GC: variants seen among roughly 807,000 people sequenced by gnomAD.
The protein encoded by GC is GC vitamin D binding protein, also known as vitamin D-binding protein.
In GC, 43 loss-of-function variants were observed where a neutral mutation model predicts 56.7. That is an observed-to-expected ratio of 0.76 (90% CI 0.59 to 0.98). The LOEUF (loss-of-function observed/expected upper bound fraction) is 0.98. GC is among the 50% of genes least tolerant of loss of function. The probability of loss-of-function intolerance (pLI) is 0.00; values close to 1 mark genes in which losing one functional copy is unlikely to be tolerated. For missense variants in GC, 529 were observed against 545.9 expected (o/e 0.97, Z 0.31); for synonymous variants, 216 against 202.7 (o/e 1.07, Z -0.56).
chr4:71,754,633 G>A (rs1404522604), intron 9 of GC, 125 bp from the exon 10 acceptor site: 9 of 679,190 alleles, frequency 1.3e-5, no homozygotes, highest in Admixed American at 2.7e-5. Context: ...ACAGAAGGCC[G>A]GATAATAATT....
At chr4:71,759,526 C>T (rs1043725272) in intron 6 of GC, 2 of 152,074 alleles carry the variant, frequency 1.3e-5, no homozygotes, top group African/African-American at 4.8e-5. Context: ...TGCATTTCCC[C>T]CATCCAATTA....
chr4:71,751,206 C>A (rs973335130), intron 11 of GC, among the ~76,000 whole-genome samples: 1 of 152,110 alleles, frequency 6.6e-6, no homozygotes, highest in Non-Finnish European at 1.5e-5. Flanking sequence ...GCAAAATACA[C>A]CCCTCACCGT....
chr4:71,741,754 T>G lies in GC; in HGVS notation c.*142A>C. ...GCAAATCATCATACTTGTCATTGTA[T>G]GAAGATATTGTAGCTAGAAAAAGTA... On this transcript the variant is annotated 3_prime_UTR_variant, in exon 13 of 13. Transcript: ENST00000273951. 1.4e-6 allele frequency: 1 copy of G among 692,006 alleles called. No individual in the cohort carries two copies. Among genetic ancestry groups the G allele is most frequent in the Non-Finnish European group, 2.6e-6 (1 of 381,694 alleles). 42.9% of individuals were successfully genotyped at this position (692,006 alleles called of 1,614,324 possible).
chr4:71,790,627 T>C (rs1742945257), intron 1 of GC, among the ~76,000 whole-genome samples: 1 of 151,894 alleles, frequency 6.6e-6, no homozygotes, highest in Admixed American at 6.6e-5. Flanking sequence ...TGTTTTATTT[T>C]AATATTTGTG....
At chr4:71,802,144 G>A (rs1044600844) in intron 1 of GC, among the ~76,000 whole-genome samples, 14 of 152,018 alleles carry the variant, frequency 9.2e-5, no homozygotes, top group Admixed American at 7.9e-4. Flanking sequence ...AAACCATTAT[G>A]TGAATAGCAT....
At chr4:71,803,065 C>A (rs1315679476) in intron 1 of GC, among the ~76,000 whole-genome samples, 2 of 152,158 alleles carry the variant, frequency 1.3e-5, no homozygotes, top group Admixed American at 6.6e-5. Flanking sequence ...AACTTACAGT[C>A]TGATAATAAA....
chr4:71,774,232 T>G (rs1742436105), intron 1 of GC, among the ~76,000 whole-genome samples: 1 of 152,058 alleles, frequency 6.6e-6, no homozygotes, highest in South Asian at 2.1e-4. Context: ...GAGCGTCCTT[T>G]CAGACTTTGA....
intron 1 of GC, among the ~76,000 whole-genome samples, chr4:71,789,436 C>T (rs1025763389): frequency 6.6e-6 from 1 of 151,878 alleles, no homozygotes; most frequent in African/African-American, 2.4e-5. Context: ...GAAGGACTGG[C>T]AATCTGAATA....
intron 6 of GC, among the ~76,000 whole-genome samples, chr4:71,760,818 C>T (rs1030747550): frequency 1.2e-4 from 18 of 152,134 alleles, no homozygotes; most frequent in African/African-American, 3.6e-4. Flanking sequence ...TCTTTGCCTG[C>T]GACCATCCAT....
intron 7 of GC, 73 bp from the exon 8 acceptor site, chr4:71,756,987 C>G (rs1335128882): frequency 9.9e-7 from 1 of 1,005,404 alleles, no homozygotes; most frequent in Non-Finnish European, 1.5e-6. Context: ...ATTACATAGG[C>G]TTACAAGCTT....
At chr4:71,779,086 C>A (rs905964463) in intron 1 of GC, among the ~76,000 whole-genome samples, 3 of 151,530 alleles carry the variant, frequency 2.0e-5, no homozygotes, top group Non-Finnish European at 4.4e-5. Flanking sequence ...CTTTAAGGAA[C>A]CTGAGTCTGA....
At chr4:71,772,138 G>A (rs1446379073) in intron 1 of GC, among the ~76,000 whole-genome samples, 1 of 152,098 alleles carries the variant, frequency 6.6e-6, no homozygotes, top group Non-Finnish European at 1.5e-5. Flanking sequence ...TCATCTATAA[G>A]ATCACTTGCT....
intron 6 of GC, among the ~76,000 whole-genome samples, chr4:71,760,213 T>TG (rs931443875): frequency 6.6e-6 from 1 of 150,898 alleles, no homozygotes. Context: ...CTGGCTAATT[T>TG]TTTTTTTTTT....
chr4:71,753,454 C>T (rs1464399696), intron 10 of GC, among the ~76,000 whole-genome samples: 2 of 130,736 alleles, frequency 1.5e-5, no homozygotes, highest in East Asian at 4.5e-4. Context: ...CCGGGGGGTG[C>T]AAATGAGGCA....
chr4:71,765,073 T>C (rs371315653), intron 4 of GC, among the ~76,000 whole-genome samples: 1 of 152,330 alleles, frequency 6.6e-6, no homozygotes, highest in Non-Finnish European at 1.5e-5. Flanking sequence ...TTAAAATGTG[T>C]ACAGCAATAA....
At chr4:71,792,633 T>TTC (rs1742999659) in intron 1 of GC, among the ~76,000 whole-genome samples, 1 of 152,174 alleles carries the variant, frequency 6.6e-6, no homozygotes, top group African/African-American at 2.4e-5. Context: ...TGATGGTAGT[T>TTC]TCTTTTGCTG....
At position 71,758,191 on chromosome 4, in the gene GC, T is replaced by C; in HGVS notation, c.702-20A>G. On this transcript the variant is annotated intron_variant, in intron 6 of 12. Transcript: ENST00000273951. ...AGATTGCTAAACAGTTAAAAATAAA[T>C]ATGTTAGCTTATCAACATTCTCAGT... is the stretch of plus-strand genomic sequence containing the variant. The C allele has an allele frequency of 6.2e-7, 1 of 1,600,416 alleles. No individual in the cohort carries two copies. The highest frequency in any genetic ancestry group is 8.5e-7 in the Non-Finnish European group (1 of 1,170,528).
At chr4:71,765,137 C>A (rs1460587121) in intron 4 of GC, among the ~76,000 whole-genome samples, 2 of 152,110 alleles carry the variant, frequency 1.3e-5, no homozygotes, top group African/African-American at 4.8e-5. Context: ...GGGAAATCAC[C>A]ACAGGGGCTG....
intron 1 of GC, among the ~76,000 whole-genome samples, chr4:71,803,067 G>A (rs183465565): frequency 5.7e-4 from 87 of 152,282 alleles, no homozygotes; most frequent in Middle Eastern, 3.4e-3. Flanking sequence ...CTTACAGTCT[G>A]ATAATAAAGA....
Sources: gnomAD v4.1 joint callset for allele counts (sites outside exome capture counted in the v4.1 genomes callset) on GRCh38, gnomAD v4.1.1 for gene constraint, MANE v1.5 for transcripts, NCBI Gene and HGNC (gene_info 2026-07-23, HGNC 2026-07-21) for gene names.